Variants in TEX10 observed in about 807,000 individuals in gnomAD.
TEX10 encodes the protein testis-expressed protein 10.
In TEX10, 24 loss-of-function variants were observed where a neutral mutation model predicts 104.4. The ratio of observed to expected loss-of-function variants is 0.23; its 90% confidence interval spans 0.17 to 0.32. TEX10 has a LOEUF of 0.32. Ranked by LOEUF, TEX10 falls within the 10% of genes least tolerant of loss-of-function variation. The pLI is 1.00. For missense variants in TEX10, 921 were observed against 1,083.9 expected, an observed-to-expected ratio of 0.85 and a Z score of 2.11; for synonymous variants, 396 against 393.4, an observed-to-expected ratio of 1.01 and a Z score of -0.08.
At chr9:100,349,894 C>A (rs1042051363) in intron 1 of TEX10, among the ~76,000 whole-genome samples, 4 of 152,082 alleles carry the variant, frequency 2.6e-5, no homozygotes, top group Non-Finnish European at 5.9e-5. Context: ...TTCAAATACA[C>A]AGCAAGGAGA....
chr9:100,329,204 T>C lies in TEX10; in HGVS notation c.1561A>G (p.Thr521Ala). ...QQRGLILPVR[T>A]LLLKFFSKIY... ...TTACTGAAAAACTTCAATAACAAAG[T>C]CCGAACTGGAAGGATAAGGCCCCTC... is the stretch of plus-strand genomic sequence containing the variant. Residue 521 changes from threonine (T) to alanine (A), a missense_variant, in exon 7 of 15, where the codon ACT becomes GCT. By Grantham distance (58) the Thr-to-Ala change is moderately conservative. Coordinates refer to ENST00000374902, the MANE Select transcript of TEX10 (RefSeq NM_017746.4). The C allele has an allele frequency of 6.2e-7, 1 of 1,612,858 alleles. No individual in the cohort carries two copies. The highest frequency in any genetic ancestry group is 1.7e-4 in the Middle Eastern group (1 of 6,054).
intron 1 of TEX10, chr9:100,352,421 T>G: frequency 6.4e-7 from 1 of 1,551,730 alleles, no homozygotes; most frequent in South Asian, 1.2e-5. Context: ...GAACACACCA[T>G]GGGTTTTAGG....
chr9:100,308,450 G>A (rs2118830565), intron 13 of TEX10, 50 bp downstream of exon 13: 1 of 1,463,548 alleles, frequency 6.8e-7, no homozygotes, highest in East Asian at 2.3e-5. Context: ...ATTTGGTTGG[G>A]GGAGGAGGAA....
intron 14 of TEX10, 124 bp downstream of exon 14, chr9:100,303,508 G>A: frequency 1.9e-6 from 2 of 1,058,714 alleles, no homozygotes; most frequent in Admixed American, 3.6e-5. Context: ...ACCATATTGG[G>A]ATTAATTCCT....
chr9:100,308,731 C>G, intron 12 of TEX10, 50 bp from the exon 13 acceptor site: 1 of 1,438,822 alleles, frequency 7.0e-7, no homozygotes, highest in African/African-American at 1.4e-5. Context: ...AGACCCGCTC[C>G]TCCACATAAA....
chr9:100,343,272 C>A (rs1835217531), intron 4 of TEX10, among the ~76,000 whole-genome samples: 2 of 141,546 alleles, frequency 1.4e-5, no homozygotes, highest in Non-Finnish European at 1.5e-5. Flanking sequence ...TGGGGGTAGG[C>A]AAGTGCTTAT....
chr9:100,330,093 A>C lies in TEX10; in HGVS notation c.1327T>G (p.Ser443Ala). The C allele has an allele frequency of 6.2e-7, 1 of 1,614,136 alleles. No homozygotes were observed. The highest frequency in any genetic ancestry group is 8.5e-7 in the Non-Finnish European group (1 of 1,180,016). ...LNLTLSDIMVSLANASTLQKD... is the reference protein window; with the variant it reads ...LNLTLSDIMVALANASTLQKD... ...TGCAAAGTTGACGCATTTGCCAGGG[A>C]GACCATGATATCAGACAGTGTTAAA... Residue 443 changes from serine (S) to alanine (A), a missense_variant, in exon 6 of 15, where the codon TCC becomes GCC. Around this residue, in one of 3 missense-constraint regions of TEX10, gnomAD observed 753 missense variants for 868.4 expected, o/e 0.87. Transcript: ENST00000374902.
intron 4 of TEX10, among the ~76,000 whole-genome samples, chr9:100,344,270 G>T (rs1835246763): frequency 6.6e-6 from 1 of 152,080 alleles, no homozygotes; most frequent in Non-Finnish European, 1.5e-5. Context: ...TTAATGAGCT[G>T]CTAATAAGCC....
chr9:100,346,168 A>T lies in TEX10; in HGVS notation c.1041T>A (p.Gly347=), dbSNP rs377158952. ...PPQLATPVGN[G]IEREPLQVMQ... is the part of the protein sequence containing the mutation. ...TAACCTGTAGAGGTTCTCGTTCTATACCATTCCCAACAGGAGTAGCTAGTT... is the reference window on the plus strand; with the variant it reads ...TAACCTGTAGAGGTTCTCGTTCTATTCCATTCCCAACAGGAGTAGCTAGTT... Residue 347 remains glycine, a synonymous_variant, in exon 4 of 15, where the codon GGT becomes GGA. Transcript: ENST00000374902. 84 of 1,613,960 alleles carry T rather than the reference A, an allele frequency of 5.2e-5. 1 individual carries two copies. The African/African-American group carries it at 9.1e-4, about 17-fold the overall frequency.
chr9:100,352,758 C>T lies in TEX10; in HGVS notation c.-10+14G>A. On this transcript the variant is annotated intron_variant, in intron 1 of 14. Transcript: ENST00000374902. ...CCCCGGGAGGACCCGGCCCGACGGG[C>T]GACGGCCGCTTACCTGAGGACCCGG... 1 of 1,148,374 alleles carries T rather than the reference C, an allele frequency of 8.7e-7. No homozygotes were observed. Among genetic ancestry groups the T allele is most frequent in the Non-Finnish European group, 1.1e-6 (1 of 935,882 alleles). 71.1% of individuals were successfully genotyped at this position (1,148,374 alleles called of 1,614,324 possible). A position where few individuals can be genotyped will look rare whatever the true frequency, so the allele number is the denominator to read the frequency against.
At chr9:100,309,202 G>T (rs1834212121) in intron 12 of TEX10, among the ~76,000 whole-genome samples, 2 of 152,088 alleles carry the variant, frequency 1.3e-5, no homozygotes, top group Non-Finnish European at 2.9e-5. Context: ...GTCAGTAAAA[G>T]ATATTACTAT....
rs1299694533 is a variant in TEX10, at chr9:100,347,425, A to C, written c.181-19T>G. 1.3e-6 allele frequency: 2 copies of C among 1,528,528 alleles called. No individual in the cohort carries two copies. Among genetic ancestry groups the C allele is most frequent in the African/African-American group, 2.8e-5 (2 of 72,010 alleles). 94.7% of individuals were successfully genotyped at this position (1,528,528 alleles called of 1,614,324 possible). A position where few individuals can be genotyped will look rare whatever the true frequency, so the allele number is the denominator to read the frequency against. On this transcript the variant is annotated intron_variant, in intron 2 of 14. Coordinates refer to ENST00000374902, the MANE Select transcript of TEX10 (RefSeq NM_017746.4). Reference sequence around the variant, plus strand: ...GCAAATCCTATAAATAAAAATACAAATTTTAGATGTATACTTATATACATG... The same window carrying C: ...GCAAATCCTATAAATAAAAATACAACTTTTAGATGTATACTTATATACATG...
chr9:100,309,301 C>A (rs1564202621), intron 12 of TEX10, among the ~76,000 whole-genome samples: 1 of 152,124 alleles, frequency 6.6e-6, no homozygotes, highest in African/African-American at 2.4e-5. Flanking sequence ...TATGCATTGT[C>A]ATTAAGGTAG....
intron 11 of TEX10, among the ~76,000 whole-genome samples, chr9:100,312,313 G>A (rs1192177958): frequency 2.0e-5 from 3 of 152,194 alleles, no homozygotes; most frequent in African/African-American, 4.8e-5. Context: ...AGATGGCCCA[G>A]AGTAGACAGC....
At chr9:100,324,636 A>C (rs1185268717) in intron 9 of TEX10, among the ~76,000 whole-genome samples, 1 of 152,196 alleles carries the variant, frequency 6.6e-6, no homozygotes, top group African/African-American at 2.4e-5. Flanking sequence ...AAGCAAAAAA[A>C]CCCCAAGATT....
At chr9:100,344,892 A>C (rs145558687) in intron 4 of TEX10, among the ~76,000 whole-genome samples, 1 of 152,172 alleles carries the variant, frequency 6.6e-6, no homozygotes, top group East Asian at 1.9e-4. Context: ...GTCCATGTTG[A>C]ATATTACTTT....
chr9:100,352,602 G>C, intron 1 of TEX10, 170 bp downstream of exon 1: 1 of 1,493,662 alleles, frequency 6.7e-7, no homozygotes, highest in East Asian at 2.5e-5. Context: ...CCGCAGTGCC[G>C]GCCGCACACC....
At chr9:100,343,782 A>C (rs1706806940) in intron 4 of TEX10, among the ~76,000 whole-genome samples, 1 of 152,188 alleles carries the variant, frequency 6.6e-6, no homozygotes, top group South Asian at 2.1e-4. Context: ...TGAGAGAAAA[A>C]GAGTTACAAT....
At position 100,326,158 on chromosome 9, in the gene TEX10, A is replaced by T; in HGVS notation, c.1979+144T>A. 3 of 798,724 alleles carry T rather than the reference A, an allele frequency of 3.8e-6. No homozygotes were observed. The East Asian group carries it at 8.3e-5, about 22-fold the overall frequency. 49.5% of individuals were successfully genotyped at this position (798,724 alleles called of 1,614,324 possible). On this transcript the variant is annotated intron_variant, in intron 9 of 14. Transcript: ENST00000374902. ...AGTCTTACTCTTGTGAACTTACTCT[A>T]CCTAGTGATATAGTTTTAATTGTTG...
Sources: gnomAD v4.1 joint callset for allele counts (sites outside exome capture counted in the v4.1 genomes callset) on GRCh38, gnomAD v4.1.1 for gene constraint, gnomAD v4.1.1 regional missense constraint, MANE v1.5 for transcripts, NCBI Gene and HGNC (gene_info 2026-07-23, HGNC 2026-07-21) for gene names.